EYA2: variants seen among roughly 807,000 people sequenced by gnomAD.
The protein encoded by EYA2 is EYA transcriptional coactivator and phosphatase 2, also known as protein phosphatase EYA2.
A neutral mutation model predicts 69.2 loss-of-function variants in EYA2; 31 were observed. The ratio of observed to expected loss-of-function variants is 0.45; its 90% CI spans 0.34 to 0.60. The LOEUF is 0.60. Ranked by LOEUF, EYA2 falls within the 20% of genes least tolerant of loss-of-function variation. EYA2 has a pLI of 0.02. For missense variants in EYA2, 622 were observed against 701.2 expected, an observed-to-expected ratio of 0.89 and a Z score of 1.28; for synonymous variants, 257 against 279.4, an observed-to-expected ratio of 0.92 and a Z score of 0.80.
At chr20:46,912,670 G>A (rs1004067648) in intron 1 of EYA2, among the ~76,000 whole-genome samples, 1 of 150,768 alleles carries the variant, frequency 6.6e-6, no homozygotes, top group African/African-American at 2.4e-5. Flanking sequence ...AGGTAGAACA[G>A]GGAAGAGGAA....
chr20:46,979,895 T>G lies in EYA2; in HGVS notation c.-10-10106T>G, dbSNP rs184287081. ...CTGACTCATTTTTCTCAGAATAACC[T>G]GGCGGGGAGGGTATTATTTTCTCCA... On this transcript the variant is annotated intron_variant, in intron 1 of 15. Transcript: ENST00000327619. 69 of 152,324 alleles carry G rather than the reference T, an allele frequency of 4.5e-4. 1 individual carries two copies. The highest frequency in any genetic ancestry group is 4.4e-3 in the Admixed American group (68 of 15,304). 9.4% of individuals were successfully genotyped at this position (152,324 alleles called of 1,614,324 possible).
intron 1 of EYA2, among the ~76,000 whole-genome samples, chr20:46,943,041 T>C (rs1986220136): frequency 6.6e-6 from 1 of 152,328 alleles, no homozygotes; most frequent in African/African-American, 2.4e-5. Flanking sequence ...GCTGGGATTA[T>C]GGGCGTGAGC....
chr20:47,039,020 C>T (rs1324102664), intron 5 of EYA2, among the ~76,000 whole-genome samples: 3 of 152,126 alleles, frequency 2.0e-5, no homozygotes, highest in African/African-American at 4.8e-5. Flanking sequence ...AGCCTGGGTC[C>T]CTGGCTGAGC....
chr20:47,000,698 A>G lies in EYA2; in HGVS notation c.110-730A>G, dbSNP rs77990175. ...GTCACCTTTTCGTCACCCCCTGCAT[A>G]TCGCCTCCCATCAATGATTGGACAT... On this transcript the variant is annotated intron_variant, in intron 2 of 15. Coordinates refer to ENST00000327619, the MANE Select transcript of EYA2 (RefSeq NM_005244.5). Among the ~76,000 whole-genome samples, 61 of 152,254 alleles carry G rather than the reference A, an allele frequency of 4.0e-4. 1 individual carries two copies. The East Asian group carries it at 0.011, about 26-fold the overall frequency.
At chr20:47,179,336 A>G (rs1467994144) in intron 12 of EYA2, among the ~76,000 whole-genome samples, 4 of 27,984 alleles carry the variant, frequency 1.4e-4, no homozygotes, top group African/African-American at 2.4e-4. Flanking sequence ...GTGTGTGGGT[A>G]GATTGATGGG....
chr20:47,134,237 T>C (rs1398466001), intron 9 of EYA2, among the ~76,000 whole-genome samples: 1 of 152,188 alleles, frequency 6.6e-6, no homozygotes, highest in Non-Finnish European at 1.5e-5. Context: ...TGCCCAGTCA[T>C]GCAGCTGAGC....
At chr20:47,144,072 A>G (rs934623257) in intron 10 of EYA2, among the ~76,000 whole-genome samples, 28 of 152,216 alleles carry the variant, frequency 1.8e-4, no homozygotes, top group Non-Finnish European at 3.2e-4. Context: ...AAGTAAAGGC[A>G]ACCGGCCGGG....
chr20:47,077,080 G>A (rs1053434251), intron 7 of EYA2, among the ~76,000 whole-genome samples: 2 of 152,152 alleles, frequency 1.3e-5, no homozygotes, highest in Admixed American at 1.3e-4. Flanking sequence ...AACCACCAGG[G>A]ACTGAGAGTG....
chr20:47,130,522 C>G (rs1266111008), intron 9 of EYA2, among the ~76,000 whole-genome samples: 2 of 151,916 alleles, frequency 1.3e-5, no homozygotes, highest in Admixed American at 6.6e-5. Context: ...GCCTCGGCCT[C>G]CCAAAGTGCT....
At chr20:47,004,842 G>A (rs780976766) in intron 3 of EYA2, 100 bp from the exon 4 acceptor site, 30 of 1,505,288 alleles carry the variant, frequency 2.0e-5, no homozygotes, top group Admixed American at 3.3e-5. Flanking sequence ...GCTCTGGAAA[G>A]AGTAGAACCC....
chr20:46,938,949 C>G (rs569298320), intron 1 of EYA2, among the ~76,000 whole-genome samples: 9 of 152,312 alleles, frequency 5.9e-5, no homozygotes, highest in South Asian at 4.1e-4. Context: ...ACCTAACATT[C>G]ACTCTGTATT....
At chr20:47,034,389 A>G (rs530293393) in intron 5 of EYA2, among the ~76,000 whole-genome samples, 1 of 152,372 alleles carries the variant, frequency 6.6e-6, no homozygotes, top group African/African-American at 2.4e-5. Flanking sequence ...AAATAAAAGA[A>G]TAGGCCAGGT....
chr20:46,910,401 C>G (rs1179302039), intron 1 of EYA2, among the ~76,000 whole-genome samples: 1 of 152,194 alleles, frequency 6.6e-6, no homozygotes, highest in African/African-American at 2.4e-5. Context: ...TCACCTCCTA[C>G]CAGACCCCAC....
At chr20:47,132,271 T>C (rs910056144) in intron 9 of EYA2, among the ~76,000 whole-genome samples, 3 of 151,700 alleles carry the variant, frequency 2.0e-5, no homozygotes, top group African/African-American at 7.3e-5. Context: ...AAGGAGGGAG[T>C]AGCCAAATTA....
intron 5 of EYA2, among the ~76,000 whole-genome samples, chr20:47,035,742 T>C (rs1984666960): frequency 6.6e-6 from 1 of 151,920 alleles, no homozygotes; most frequent in Non-Finnish European, 1.5e-5. Context: ...TGGGCCGGGC[T>C]TGGTGGCTGA....
intron 2 of EYA2, among the ~76,000 whole-genome samples, chr20:46,992,697 T>G (rs1424849568): frequency 6.6e-6 from 1 of 152,144 alleles, no homozygotes; most frequent in African/African-American, 2.4e-5. Context: ...CCTGGAACAA[T>G]CTGGCTGCCA....
At chr20:46,938,907 G>A (rs538781489) in intron 1 of EYA2, among the ~76,000 whole-genome samples, 76 of 152,246 alleles carry the variant, frequency 5.0e-4, no homozygotes, top group African/African-American at 1.4e-3. Flanking sequence ...CAAAACAACC[G>A]TACTATGACC....
intron 9 of EYA2, among the ~76,000 whole-genome samples, chr20:47,130,261 C>CTTTTTTTTT (rs74178703): frequency 0.053 from 4,321 of 81,198 alleles, 1,056 homozygotes; most frequent in African/African-American, 0.097. Flanking sequence ...GGTTTATTTT[C>CTTTTTTTTT]TTTTTTTTTT....
Position 47,030,842 on chromosome 20 carries a change from G to A in EYA2, c.415+14545G>A, listed in dbSNP as rs146937074. On this transcript the variant is annotated intron_variant, in intron 5 of 15. Coordinates refer to ENST00000327619, the MANE Select transcript of EYA2 (RefSeq NM_005244.5). ...GTGCAATCGTAGTCACTATAACCTC[G>A]AATGCCTGGACTCAAGCGATCCTCT... Among the ~76,000 whole-genome samples the A allele has an allele frequency of 2.0e-5, 3 of 152,254 alleles. 1 individual carries two copies. Among genetic ancestry groups the A allele is most frequent in the South Asian group, 4.1e-4 (2 of 4,822 alleles).
Sources: allele counts gnomAD v4.1 joint callset (sites outside exome capture counted in the v4.1 genomes callset), GRCh38; gene constraint gnomAD v4.1.1; transcripts MANE v1.5; gene names NCBI Gene and HGNC (gene_info 2026-07-23, HGNC 2026-07-21).